The following CHODL variants were observed in gnomAD, a reference collection of about 807,000 sequenced individuals.
CHODL encodes the protein chondrolectin.
Under a neutral mutation model 34.5 loss-of-function variants are expected in CHODL, and 29 were observed. The observed-to-expected ratio is 0.84, with a 90% confidence interval of 0.63 to 1.15. The LOEUF is 1.15. Ranked by LOEUF, CHODL falls within the 50% of genes most tolerant of loss-of-function variation. The pLI, the probability that CHODL is intolerant of heterozygous loss-of-function variation, is 0.00. For missense variants in CHODL, 332 were observed against 332.5 expected (o/e 1.00, Z 0.01); for synonymous variants, 125 against 116.1 (o/e 1.08, Z -0.49).
intron 1 of CHODL, among the ~76,000 whole-genome samples, chr21:17,975,384 C>A (rs2063653508): frequency 6.6e-6 from 1 of 152,106 alleles, no homozygotes; most frequent in Non-Finnish European, 1.5e-5. Flanking sequence ...CACCAAATCC[C>A]TGTGACACAA....
chr21:18,156,058 C>T (rs1229174184), intron 2 of CHODL, among the ~76,000 whole-genome samples: 1 of 152,192 alleles, frequency 6.6e-6, no homozygotes, highest in African/African-American at 2.4e-5. Flanking sequence ...AAATTCTCTG[C>T]TGAAGTATGA....
At chr21:18,249,391 G>T (rs1391488698) in intron 1 of CHODL, among the ~76,000 whole-genome samples, 1 of 151,278 alleles carries the variant, frequency 6.6e-6, no homozygotes, top group Non-Finnish European at 1.5e-5. Context: ...GTTTTATTTG[G>T]AAAATAAAAA....
intron 2 of CHODL, among the ~76,000 whole-genome samples, chr21:18,040,690 T>C (rs2064364481): frequency 1.3e-5 from 2 of 151,916 alleles, no homozygotes; most frequent in Admixed American, 1.3e-4. Context: ...AAGACTGTTA[T>C]AGGTAATCAA....
At chr21:18,094,400 T>G (rs1478450362) in intron 2 of CHODL, among the ~76,000 whole-genome samples, 1 of 152,290 alleles carries the variant, frequency 6.6e-6, no homozygotes. Flanking sequence ...ATCCAATGGC[T>G]ACAGAATACA....
intron 2 of CHODL, among the ~76,000 whole-genome samples, chr21:18,232,684 T>C (rs1329000040): frequency 6.6e-6 from 1 of 151,876 alleles, no homozygotes; most frequent in East Asian, 1.9e-4. Context: ...ACCATCTCAG[T>C]CACCTTTGGG....
At chr21:18,035,577 T>C (rs962011323) in intron 2 of CHODL, among the ~76,000 whole-genome samples, 1 of 152,018 alleles carries the variant, frequency 6.6e-6, no homozygotes, top group Non-Finnish European at 1.5e-5. Flanking sequence ...GATACTTCAA[T>C]TTCATATATA....
At chr21:18,047,476 T>G (rs1488666749) in intron 2 of CHODL, among the ~76,000 whole-genome samples, 2 of 151,974 alleles carry the variant, frequency 1.3e-5, no homozygotes, top group Non-Finnish European at 2.9e-5. Flanking sequence ...CAATTCCTTT[T>G]TATGGCTTGT....
At chr21:18,105,880 A>AT (rs1410774286) in intron 2 of CHODL, among the ~76,000 whole-genome samples, 1 of 152,178 alleles carries the variant, frequency 6.6e-6, no homozygotes, top group Non-Finnish European at 1.5e-5. Context: ...TAATCCTGGA[A>AT]AATCACTTCT....
intron 2 of CHODL, among the ~76,000 whole-genome samples, chr21:18,045,439 G>C (rs970895403): frequency 1.9e-4 from 29 of 151,882 alleles, no homozygotes; most frequent in African/African-American, 6.8e-4. Context: ...CAAAGGAGGA[G>C]GCCATATGAA....
intron 1 of CHODL, among the ~76,000 whole-genome samples, chr21:17,994,040 T>A (rs2063824335): frequency 6.6e-6 from 1 of 152,240 alleles, no homozygotes; most frequent in Admixed American, 6.5e-5. Context: ...TTGATTTTGA[T>A]TATTTTTTCA....
intron 2 of CHODL, among the ~76,000 whole-genome samples, chr21:18,224,478 G>T (rs1218552032): frequency 6.6e-6 from 1 of 152,144 alleles, no homozygotes; most frequent in African/African-American, 2.4e-5. Flanking sequence ...TATTCAGTGT[G>T]GTTAAGTTCC....
chr21:17,971,386 C>A (rs1169851197), intron 1 of CHODL, among the ~76,000 whole-genome samples: 1 of 152,192 alleles, frequency 6.6e-6, no homozygotes, highest in African/African-American at 2.4e-5. Flanking sequence ...CACATCCTCT[C>A]CAGCATCTGT....
At chr21:17,967,860 C>A (rs2063584978) in intron 1 of CHODL, among the ~76,000 whole-genome samples, 1 of 152,078 alleles carries the variant, frequency 6.6e-6, no homozygotes, top group Admixed American at 6.5e-5. Context: ...ATATCCCTTT[C>A]CTTAAAGGGC....
At chr21:18,165,658 C>T (rs1259911751) in intron 2 of CHODL, among the ~76,000 whole-genome samples, 1 of 152,164 alleles carries the variant, frequency 6.6e-6, no homozygotes, top group Non-Finnish European at 1.5e-5. Context: ...CAAATTGCTC[C>T]TCAGAACCTA....
intron 2 of CHODL, among the ~76,000 whole-genome samples, chr21:18,202,684 G>T (rs541990051): frequency 8.5e-5 from 13 of 152,214 alleles, no homozygotes; most frequent in African/African-American, 2.9e-4. Flanking sequence ...GACTAAAACA[G>T]CATGTAACCA....
chr21:18,144,521 C>T (rs963286408), intron 2 of CHODL, among the ~76,000 whole-genome samples: 4 of 152,134 alleles, frequency 2.6e-5, no homozygotes, highest in Admixed American at 1.3e-4. Context: ...TCATGCAAAG[C>T]AATTTCAGTA....
chr21:18,042,718 T>G (rs933075291), intron 2 of CHODL, among the ~76,000 whole-genome samples: 1 of 151,990 alleles, frequency 6.6e-6, no homozygotes, highest in Admixed American at 6.6e-5. Context: ...AGGTAAAATA[T>G]TTTAAGAGAG....
At chr21:18,079,153 T>G (rs2064903667) in intron 2 of CHODL, among the ~76,000 whole-genome samples, 1 of 152,030 alleles carries the variant, frequency 6.6e-6, no homozygotes, top group East Asian at 1.9e-4. Context: ...GACTCCAGTG[T>G]CTATTATTCT....
At chr21:18,162,398 T>C (rs2073105141) in intron 2 of CHODL, among the ~76,000 whole-genome samples, 1 of 149,778 alleles carries the variant, frequency 6.7e-6, no homozygotes, top group South Asian at 2.2e-4. Context: ...TGCCTTCATA[T>C]TCACGTGGTG....
Sources: gnomAD v4.1 joint callset for allele counts (sites outside exome capture counted in the v4.1 genomes callset) on GRCh38, gnomAD v4.1.1 for gene constraint, MANE v1.5 for transcripts, NCBI Gene and HGNC (gene_info 2026-07-23, HGNC 2026-07-21) for gene names.